Variants in INSIG2 observed in about 807,000 individuals in gnomAD.
INSIG2 encodes the protein insulin induced gene 2.
INSIG2 carries 10 observed loss-of-function variants against 27.2 expected under a neutral mutation model. The ratio of observed to expected loss-of-function variants is 0.37; its 90% CI spans 0.23 to 0.62. The LOEUF is 0.62. Ranked by LOEUF, INSIG2 falls within the 20% of genes least tolerant of loss-of-function variation. The pLI, the probability that INSIG2 is intolerant of heterozygous loss-of-function variation, is 0.65. For synonymous variants in INSIG2, 97 were observed against 95.8 expected, an observed-to-expected ratio of 1.01 and a Z score of -0.07; for missense variants, 178 against 270.2, an observed-to-expected ratio of 0.66 and a Z score of 2.39.
rs371970622 is a variant in INSIG2 at position 118,103,282 on chromosome 2, G to T, written c.330G>T (p.Arg110=). ...KFKREWSSVM[R]CVAVFVGINH... ...AAAGAGAGTGGTCCAGTGTAATGCG[G>T]TGTGTAGCAGTCTTTGTTGGTATAA... Residue 110 remains arginine (R), a synonymous_variant, in exon 3 of 6, where the codon CGG becomes CGT. Coordinates refer to ENST00000245787, the MANE Select transcript of INSIG2 (RefSeq NM_016133.4). 18 of 1,613,466 alleles carry T rather than the reference G, an allele frequency of 1.1e-5. No homozygotes were observed. The African/African-American group carries it at 2.4e-4, about 22-fold the overall frequency.
chr2:118,092,720 T>C (rs1347398617), intron 1 of INSIG2, among the ~76,000 whole-genome samples: 2 of 152,116 alleles, frequency 1.3e-5, no homozygotes, highest in African/African-American at 4.8e-5. Context: ...ATGTCTACCT[T>C]TATGTTTGTT....
At chr2:118,090,577 TTTTC>T (rs1678201554) in intron 1 of INSIG2, among the ~76,000 whole-genome samples, 1 of 152,240 alleles carries the variant, frequency 6.6e-6, no homozygotes, top group Non-Finnish European at 1.5e-5. Flanking sequence ...TTTCAACTTT[TTTTC>T]TTTTTGTTTA....
intron 3 of INSIG2, among the ~76,000 whole-genome samples, chr2:118,104,873 TTAA>T (rs1432799812): frequency 3.3e-5 from 5 of 152,116 alleles, no homozygotes; most frequent in Non-Finnish European, 7.3e-5. Flanking sequence ...TTCTAAAAAC[TTAA>T]TAAGTTCAAA....
chr2:118,110,367 C>G lies in INSIG2; in HGVS notation c.*2045C>G, dbSNP rs1313839366. ...AGCTAAGGAAAAGAAAATGTGTTTA[C>G]TCTTCATTCAGTGGAAGTGGACCAT... On this transcript the variant is annotated 3_prime_UTR_variant, in exon 6 of 6. Coordinates refer to ENST00000245787, the MANE Select transcript of INSIG2 (RefSeq NM_016133.4). 6.6e-6 allele frequency: 1 copy of G among 152,196 alleles called. No homozygotes were observed. Among genetic ancestry groups the G allele is most frequent in the African/African-American group, 2.4e-5 (1 of 41,436 alleles). 9.4% of individuals were successfully genotyped at this position (152,196 alleles called of 1,614,324 possible). A position where few individuals can be genotyped will look rare whatever the true frequency, so the allele number is the denominator to read the frequency against.
At chr2:118,102,879 GA>G (rs138971434) in intron 2 of INSIG2, among the ~76,000 whole-genome samples, 5,281 of 152,224 alleles carry the variant, frequency 0.035, 306 homozygotes, top group African/African-American at 0.12. Flanking sequence ...AAAGTAGCAT[GA>G]ATCATTTAGT....
At chr2:118,089,908 G>A (rs1159004136) in intron 1 of INSIG2, among the ~76,000 whole-genome samples, 6 of 152,208 alleles carry the variant, frequency 3.9e-5, no homozygotes, top group African/African-American at 1.4e-4. Flanking sequence ...AAACCTGTAA[G>A]GGGCTGTAAA....
chr2:118,100,029 C>G (rs1678501884), intron 2 of INSIG2, among the ~76,000 whole-genome samples: 1 of 152,164 alleles, frequency 6.6e-6, no homozygotes, highest in African/African-American at 2.4e-5. Context: ...TGGCCCTTGA[C>G]TGCTTTTTTC....
chr2:118,095,512 T>A (rs769008607), intron 1 of INSIG2, among the ~76,000 whole-genome samples: 12 of 152,194 alleles, frequency 7.9e-5, no homozygotes, highest in Non-Finnish European at 1.2e-4. Flanking sequence ...ATTAAATGAA[T>A]TACCACATGT....
In INSIG2 at chr2:118,106,865, T is replaced by G; in HGVS notation, c.498T>G (p.Thr166=). 6.2e-7 allele frequency: 1 copy of G among 1,614,148 alleles called. No homozygotes were observed. Among genetic ancestry groups the G allele is most frequent in the Non-Finnish European group, 8.5e-7 (1 of 1,179,968 alleles). ...GLGVGIAFLA[T]VVTQLLVYNG... Reference sequence around the variant, plus strand: ...GAGTAGGAATTGCCTTCTTGGCAACTGTGGTCACTCAACTGCTAGTATATA... The same window carrying G: ...GAGTAGGAATTGCCTTCTTGGCAACGGTGGTCACTCAACTGCTAGTATATA... Residue 166 remains threonine (T), a synonymous_variant, in exon 4 of 6, where the codon ACT becomes ACG. Coordinates refer to ENST00000245787, the MANE Select transcript of INSIG2 (RefSeq NM_016133.4).
intron 3 of INSIG2, among the ~76,000 whole-genome samples, chr2:118,105,986 A>G (rs1678662940): frequency 6.6e-6 from 1 of 152,226 alleles, no homozygotes; most frequent in Admixed American, 6.5e-5. Flanking sequence ...TTTGGTGTAG[A>G]AAAGGGCCAT....
At chr2:118,094,367 A>AGATGACGATGAT (rs1678357438) in intron 1 of INSIG2, among the ~76,000 whole-genome samples, 1 of 118,096 alleles carries the variant, frequency 8.5e-6, no homozygotes, top group Non-Finnish European at 1.7e-5. Context: ...AAAAGCAACC[A>AGATGACGATGAT]GATGATGATG....
intron 4 of INSIG2, 91 bp downstream of exon 4, chr2:118,106,994 CCAGTT>C: frequency 6.7e-7 from 1 of 1,502,786 alleles, no homozygotes; most frequent in Non-Finnish European, 9.2e-7. Context: ...ATGAGGTTAG[CCAGTT>C]TAATCTACAG....
intron 2 of INSIG2, among the ~76,000 whole-genome samples, chr2:118,100,535 C>T (rs942239107): frequency 6.6e-6 from 1 of 151,958 alleles, no homozygotes; most frequent in Non-Finnish European, 1.5e-5. Flanking sequence ...CCCACCACTA[C>T]GTCCAGCTAT....
chr2:118,093,857 TGATGATGAGGAG>T (rs1339863299), intron 1 of INSIG2, among the ~76,000 whole-genome samples: 5 of 91,980 alleles, frequency 5.4e-5, no homozygotes, highest in Non-Finnish European at 1.1e-4. Context: ...CAGATGATGA[TGATGATGAGGAG>T]GAGGAGGAGG....
At chr2:118,103,082 T>G in intron 2 of INSIG2, 115 bp from the exon 3 acceptor site, 4 of 951,356 alleles carry the variant, frequency 4.2e-6, no homozygotes, top group Admixed American at 2.7e-5. Context: ...TTTTTTTTGT[T>G]TTTTTTTTTT....
At chr2:118,103,662 C>G (rs1312597353) in intron 3 of INSIG2, among the ~76,000 whole-genome samples, 1 of 151,616 alleles carries the variant, frequency 6.6e-6, no homozygotes, top group Admixed American at 6.6e-5. Context: ...TCCTCTCTTT[C>G]TTTGTTAAGA....
intron 2 of INSIG2, among the ~76,000 whole-genome samples, chr2:118,100,666 C>T (rs976912214): frequency 6.6e-6 from 1 of 152,150 alleles, no homozygotes; most frequent in Non-Finnish European, 1.5e-5. Flanking sequence ...GTGTGAGCCA[C>T]CACGCCTGGC....
At chr2:118,099,875 C>A (rs1390147104) in intron 2 of INSIG2, among the ~76,000 whole-genome samples, 2 of 152,110 alleles carry the variant, frequency 1.3e-5, no homozygotes, top group Non-Finnish European at 2.9e-5. Flanking sequence ...TTAGTCTTTG[C>A]CGGCCTCTAG....
Position 118,093,298 on chromosome 2 carries a change from GAT to G in INSIG2, c.-138-3120_-138-3119del, listed in dbSNP as rs1186560816. ...TTGCTGAAAGCAACCAGATGATGAT[GAT>G]GAGGAGGAGGAGGAGGAGGAGGAGG... On this transcript the variant is annotated intron_variant, in intron 1 of 5. Transcript: ENST00000245787. 8.3e-3 allele frequency among the ~76,000 whole-genome samples: 510 copies of G among 61,310 alleles called. 15 individuals carry two copies. Among genetic ancestry groups the G allele is most frequent in the East Asian group, 0.015 (27 of 1,862 alleles). The allele number at this position is 61,310 out of a possible 152,430, so 40.2% of individuals were successfully genotyped here. A position where few individuals can be genotyped will look rare whatever the true frequency, so the allele number is the denominator to read the frequency against.
Sources: gnomAD v4.1 joint callset for allele counts (sites outside exome capture counted in the v4.1 genomes callset) on GRCh38, gnomAD v4.1.1 for gene constraint, MANE v1.5 for transcripts, NCBI Gene and HGNC (gene_info 2026-07-23, HGNC 2026-07-21) for gene names.